Variants in BZW1 observed in about 807,000 individuals in gnomAD.
BZW1 encodes eIF5-mimic protein 2.
A neutral mutation model predicts 54.1 loss-of-function variants in BZW1; 3 were observed. The observed-to-expected ratio is 0.06, with a 90% CI of 0.03 to 0.14. BZW1 has a LOEUF of 0.14. Among genes scored for constraint, BZW1 ranks in the 10% least tolerant of loss-of-function variants. BZW1 has a pLI of 1.00. For synonymous variants in BZW1, 152 were observed against 162.7 expected (o/e 0.93, Z 0.50); for missense variants, 206 against 491.7 (o/e 0.42, Z 5.50).
chr2:200,818,701 A>G (rs1216881836), intron 8 of BZW1, 54 bp from the exon 9 acceptor site: 9 of 1,538,282 alleles, frequency 5.9e-6, no homozygotes, highest in Non-Finnish European at 7.8e-6. Context: ...TGATGTGTGA[A>G]GTATGTACAT....
At chr2:200,820,411 G>C (rs544613696) in intron 10 of BZW1, among the ~76,000 whole-genome samples, 4 of 152,164 alleles carry the variant, frequency 2.6e-5, no homozygotes, top group Non-Finnish European at 5.9e-5. Flanking sequence ...TAGGTGTGGT[G>C]GCTCATACTT....
intron 8 of BZW1, 124 bp downstream of exon 8, chr2:200,818,517 C>G (rs752830801): frequency 6.0e-5 from 73 of 1,219,546 alleles, no homozygotes; most frequent in Admixed American, 2.2e-4. Flanking sequence ...TATACTGGAA[C>G]TTTGCCTCAT....
At chr2:200,812,520 C>G (rs1318237882) in intron 1 of BZW1, 5 of 1,389,378 alleles carry the variant, frequency 3.6e-6, no homozygotes, top group Non-Finnish European at 4.7e-6. Context: ...CCGCGGGACC[C>G]TACGGCGCCC....
At chr2:200,814,831 G>C (rs1047104249) in intron 2 of BZW1, among the ~76,000 whole-genome samples, 1 of 152,178 alleles carries the variant, frequency 6.6e-6, no homozygotes, top group Non-Finnish European at 1.5e-5. Flanking sequence ...GGAAAAATCT[G>C]CCTCACAAGG....
intron 5 of BZW1, among the ~76,000 whole-genome samples, chr2:200,816,627 G>A (rs1203330735): frequency 6.6e-6 from 1 of 152,166 alleles, no homozygotes; most frequent in Non-Finnish European, 1.5e-5. Context: ...GAGTAGCTGG[G>A]ATTACAGGCA....
At chr2:200,813,761 T>C (rs958151233) in intron 2 of BZW1, among the ~76,000 whole-genome samples, 11 of 152,156 alleles carry the variant, frequency 7.2e-5, no homozygotes, top group Admixed American at 6.5e-4. Context: ...AGAAAAAGTA[T>C]TAGAATTATA....
intron 10 of BZW1, 62 bp from the exon 11 acceptor site, chr2:200,821,121 G>T (rs1208967348): frequency 6.4e-7 from 1 of 1,560,614 alleles, no homozygotes. Flanking sequence ...ACATTAGGTG[G>T]TGGTTCTAAC....
intron 4 of BZW1, 102 bp from the exon 5 acceptor site, chr2:200,816,223 G>T: frequency 1.4e-6 from 1 of 713,344 alleles, no homozygotes; most frequent in Non-Finnish European, 2.2e-6. Flanking sequence ...TTCTTCTCAA[G>T]CTGGTTTAAG....
intron 9 of BZW1, 103 bp from the exon 10 acceptor site, chr2:200,819,879 T>G (rs2038444408): frequency 9.2e-7 from 1 of 1,083,382 alleles, no homozygotes; most frequent in African/African-American, 1.6e-5. Flanking sequence ...TTGCAGTGAT[T>G]ATAAAAGATG....
At chr2:200,821,691 A>G (rs1431622101) in intron 11 of BZW1, among the ~76,000 whole-genome samples, 1 of 152,136 alleles carries the variant, frequency 6.6e-6, no homozygotes, top group African/African-American at 2.4e-5. Flanking sequence ...GATTGCACCC[A>G]GCCAAATGTT....
intron 10 of BZW1, 117 bp downstream of exon 10, chr2:200,820,237 A>G: frequency 1.1e-6 from 1 of 942,364 alleles, no homozygotes. Flanking sequence ...ACTTCTAGTT[A>G]TGAGTCACCT....
rs1348589884 is a variant in BZW1, at chr2:200,826,421, T to TGATAGATAGATAG, written c.*4243_*4244insGATAGATAGATAG. 1 of 87,764 alleles carries TGATAGATAGATAG rather than the reference T, an allele frequency of 1.1e-5. No homozygotes were observed. Among genetic ancestry groups the TGATAGATAGATAG allele is most frequent in the Non-Finnish European group, 2.2e-5 (1 of 44,856 alleles). 5.4% of individuals were successfully genotyped at this position (87,764 alleles called of 1,614,324 possible). A position where few individuals can be genotyped will look rare whatever the true frequency, so the allele number is the denominator to read the frequency against. On this transcript the variant is annotated 3_prime_UTR_variant, in exon 12 of 12. Transcript: ENST00000409600. ...GATAGATAGATATTTTTTTTTTTTT[T>TGATAGATAGATAG]TTTTTTTTTTTTTTTTTTTTTGAGA...
chr2:200,814,812 A>G (rs2038227308), intron 2 of BZW1, among the ~76,000 whole-genome samples: 1 of 152,204 alleles, frequency 6.6e-6, no homozygotes, highest in Admixed American at 6.5e-5. Context: ...TTCCTTCTGA[A>G]TAATAGGGGG....
intron 7 of BZW1, 44 bp from the exon 8 acceptor site, chr2:200,818,178 TA>T: frequency 6.6e-7 from 1 of 1,517,346 alleles, no homozygotes; most frequent in Non-Finnish European, 8.8e-7. Flanking sequence ...GTGTTTTTCT[TA>T]ATCTGATTTA....
intron 7 of BZW1, 39 bp downstream of exon 7, chr2:200,818,122 G>T (rs1424291311): frequency 6.6e-7 from 1 of 1,515,804 alleles, no homozygotes; most frequent in Non-Finnish European, 8.9e-7. Context: ...TCTTGCCAAG[G>T]ATGTAAATGA....
chr2:200,819,933 A>G lies in BZW1; in HGVS notation c.967-49A>G, dbSNP rs1368747696. On this transcript the variant is annotated intron_variant, in intron 9 of 11. Coordinates refer to ENST00000409600, the MANE Select transcript of BZW1 (RefSeq NM_001207067.2). Reference sequence around the variant, plus strand: ...CTGTATTGTAGGAGTTTTGTAATGGATGGTTATTTGTAATGAATGACTAAA... The same window carrying G: ...CTGTATTGTAGGAGTTTTGTAATGGGTGGTTATTTGTAATGAATGACTAAA... 2.8e-6 allele frequency: 4 copies of G among 1,434,300 alleles called. No individual in the cohort carries two copies. The South Asian group carries it at 4.4e-5, about 16-fold the overall frequency. 88.8% of individuals were successfully genotyped at this position (1,434,300 alleles called of 1,614,324 possible).
chr2:200,823,298 C>T lies in BZW1; in HGVS notation c.*1120C>T, dbSNP rs2038590950. ...ACTCAAGCCTCTGGCTATTAACATA[C>T]CCTAGTTGCCGTTTTTTAATTGCCA... is the stretch of plus-strand genomic sequence containing the variant. On this transcript the variant is annotated 3_prime_UTR_variant, in exon 12 of 12. Transcript: ENST00000409600. 1 of 163,974 alleles carries T rather than the reference C, an allele frequency of 6.1e-6. No individual in the cohort carries two copies. The highest frequency in any genetic ancestry group is 2.4e-5 in the African/African-American group (1 of 41,464). 10.2% of individuals were successfully genotyped at this position (163,974 alleles called of 1,614,324 possible).
chr2:200,826,406 T>TAGATAGATAGATAGATAGATAGATAG lies in BZW1; in HGVS notation c.*4229_*4230insGATAGATAGATAGATAGATAGATAGA, dbSNP rs1213367033. 10 of 68,054 alleles carry TAGATAGATAGATAGATAGATAGATAG rather than the reference T, an allele frequency of 1.5e-4. No homozygotes were observed. The highest frequency in any genetic ancestry group is 3.3e-4 in the Admixed American group (2 of 6,108). 4.2% of individuals were successfully genotyped at this position (68,054 alleles called of 1,614,324 possible). The stretch of plus-strand genomic sequence containing the variant: ...ATAGATAGATAGATAGATAGATAGA[T>TAGATAGATAGATAGATAGATAGATAG]ATTTTTTTTTTTTTTTTTTTTTTTT... On this transcript the variant is annotated 3_prime_UTR_variant, in exon 12 of 12. Coordinates refer to ENST00000409600, the MANE Select transcript of BZW1 (RefSeq NM_001207067.2).
chr2:200,813,080 T>C, intron 1 of BZW1, 128 bp from the exon 2 acceptor site: 1 of 759,882 alleles, frequency 1.3e-6, no homozygotes, highest in South Asian at 1.5e-5. Context: ...TCGGGTATAA[T>C]TGCCAGCTTT....
Sources: gnomAD v4.1 joint callset for allele counts (sites outside exome capture counted in the v4.1 genomes callset) on GRCh38, gnomAD v4.1.1 for gene constraint, MANE v1.5 for transcripts, NCBI Gene and HGNC (gene_info 2026-07-23, HGNC 2026-07-21) for gene names.